The following IGSF21 variants were observed in gnomAD, a reference collection of about 807,000 sequenced individuals.
IGSF21 encodes immunoglobulin superfamily member 21.
Under a neutral mutation model 46.8 loss-of-function variants are expected in IGSF21, and 28 were observed. The observed-to-expected ratio is 0.60, with a 90% CI of 0.44 to 0.82. The LOEUF (loss-of-function observed/expected upper bound fraction) is 0.82, where lower values mean the gene tolerates loss of function less well. Among genes scored for constraint, IGSF21 ranks in the 40% least tolerant of loss-of-function variants. IGSF21 has a pLI of 0.00. For synonymous variants in IGSF21, 284 were observed against 273.6 expected, an observed-to-expected ratio of 1.04 and a Z score of -0.38; for missense variants, 624 against 665.5, an observed-to-expected ratio of 0.94 and a Z score of 0.69.
intron 1 of IGSF21, among the ~76,000 whole-genome samples, chr1:18,130,545 C>A (rs2086309374): frequency 6.6e-6 from 1 of 152,116 alleles, no homozygotes; most frequent in South Asian, 2.1e-4. Context: ...CTCTCAGTAG[C>A]CCCTGTGACA....
chr1:18,360,831 A>G (rs1569875630), intron 4 of IGSF21, among the ~76,000 whole-genome samples: 1 of 152,204 alleles, frequency 6.6e-6, no homozygotes, highest in East Asian at 1.9e-4. Context: ...GCCAAGTATT[A>G]ATATTATTCC....
At chr1:18,161,117 A>G (rs2086617208) in intron 1 of IGSF21, among the ~76,000 whole-genome samples, 1 of 152,126 alleles carries the variant, frequency 6.6e-6, no homozygotes, top group Admixed American at 6.5e-5. Flanking sequence ...CCTGAATCTC[A>G]GGGGTCCAGG....
chr1:18,305,411 TGATG>T (rs1569772891), intron 3 of IGSF21, among the ~76,000 whole-genome samples: 2 of 146,480 alleles, frequency 1.4e-5, no homozygotes, highest in Admixed American at 6.8e-5. Context: ...AATGGATGGA[TGATG>T]GATGGATAGA....
intron 1 of IGSF21, among the ~76,000 whole-genome samples, chr1:18,177,409 G>GGGGTCAGTGAGGTA (rs2086812564): frequency 6.8e-4 from 23 of 33,958 alleles, no homozygotes; most frequent in African/African-American, 1.8e-3. Context: ...GTGTGTGTGT[G>GGGGTCAGTGAGGTA]TGTGTGTGTG....
intron 2 of IGSF21, among the ~76,000 whole-genome samples, chr1:18,286,511 G>T (rs1423402136): frequency 6.6e-6 from 1 of 152,228 alleles, no homozygotes; most frequent in Non-Finnish European, 1.5e-5. Context: ...TGGTCCAGGT[G>T]TACGCTTTGC....
chr1:18,245,166 A>G (rs918273649), intron 2 of IGSF21, among the ~76,000 whole-genome samples: 1 of 152,240 alleles, frequency 6.6e-6, no homozygotes, highest in Non-Finnish European at 1.5e-5. Flanking sequence ...AACATTGCAT[A>G]TGATACTTCC....
At chr1:18,192,800 C>T (rs1024573373) in intron 1 of IGSF21, among the ~76,000 whole-genome samples, 2 of 152,080 alleles carry the variant, frequency 1.3e-5, no homozygotes, top group Admixed American at 6.5e-5. Flanking sequence ...GATAATCTCC[C>T]TCCTGAAGTC....
chr1:18,113,500 C>T (rs2124399908), intron 1 of IGSF21: 1 of 152,158 alleles, frequency 6.6e-6, no homozygotes, highest in East Asian at 1.9e-4. Flanking sequence ...GACTTTAGTC[C>T]CCTCCCAGGA....
Position 18,333,116 on chromosome 1 carries a change from G to A in IGSF21, c.306-1776G>A, listed in dbSNP as rs536373217. ...GGTGGCAGATGGGTCACACGCCCAA[G>A]AGCCTGAGCGCCAACCAACTGCTGC... On this transcript the variant is annotated intron_variant, in intron 3 of 9. Coordinates refer to ENST00000251296, the MANE Select transcript of IGSF21 (RefSeq NM_032880.5). Among the ~76,000 whole-genome samples, 4 of 152,320 alleles carry A rather than the reference G, an allele frequency of 2.6e-5. No homozygotes were observed. The East Asian group carries it at 7.7e-4, about 29-fold the overall frequency.
Position 18,327,009 on chromosome 1 carries a change from T to A in IGSF21, c.306-7883T>A, listed in dbSNP as rs536373164. Among the ~76,000 whole-genome samples the A allele has an allele frequency of 3.9e-5, 6 of 152,176 alleles. No individual in the cohort carries two copies. In the East Asian group the frequency reaches 9.7e-4, roughly 24 times the overall value. ...TCGATGAGCCTCCTGTGCCACAACA[T>A]CCTCTAATCTGGGCGAAGATTAAAA... is the stretch of plus-strand genomic sequence containing the variant. On this transcript the variant is annotated intron_variant, in intron 3 of 9. Transcript: ENST00000251296.
chr1:18,223,850 C>G (rs1460511561), intron 1 of IGSF21, among the ~76,000 whole-genome samples: 4 of 152,178 alleles, frequency 2.6e-5, no homozygotes, highest in Non-Finnish European at 5.9e-5. Context: ...CTAAACCTGT[C>G]TCTGCAGCCT....
intron 6 of IGSF21, 158 bp from the exon 7 acceptor site, chr1:18,376,152 T>C: frequency 1.4e-6 from 1 of 690,352 alleles, no homozygotes; most frequent in South Asian, 1.6e-5. Context: ...TCTGAATGAA[T>C]GCAGCTGTGA....
chr1:18,245,632 TG>T (rs1052357498), intron 2 of IGSF21, among the ~76,000 whole-genome samples: 6 of 152,246 alleles, frequency 3.9e-5, no homozygotes, highest in Non-Finnish European at 8.8e-5. Context: ...CTGATATTTT[TG>T]TTTCCTTCTT....
chr1:18,122,277 G>A (rs1388846659), intron 1 of IGSF21, among the ~76,000 whole-genome samples: 1 of 131,438 alleles, frequency 7.6e-6, no homozygotes, highest in Middle Eastern at 4.7e-3. Flanking sequence ...TCGGCTCACT[G>A]CAACCTCCGC....
chr1:18,129,902 A>C (rs889241328), intron 1 of IGSF21, among the ~76,000 whole-genome samples: 1 of 152,096 alleles, frequency 6.6e-6, no homozygotes. Context: ...GCCTTCCAAC[A>C]TGGGATGACA....
chr1:18,376,835 G>A lies in IGSF21; in HGVS notation c.1137G>A (p.Thr379=), dbSNP rs368139540. 2.2e-5 allele frequency: 35 copies of A among 1,605,226 alleles called. No homozygotes were observed. The highest frequency in any genetic ancestry group is 3.3e-4 in the Middle Eastern group (2 of 6,044). The change falls in exon 8 of 10, where the codon ACG becomes ACA. Residue 379 remains threonine, a synonymous_variant. Coordinates refer to ENST00000251296, the MANE Select transcript of IGSF21 (RefSeq NM_032880.5). ...TCCCGGAGCCCATGTTCACGTGGAC[G>A]CGGGTTGGGAGCCGCCTCCTGGACG... is the stretch of plus-strand genomic sequence containing the variant. The part of the protein sequence containing the change: ...EVFPEPMFTW[T]RVGSRLLDGS...
intron 1 of IGSF21, among the ~76,000 whole-genome samples, chr1:18,174,025 A>G (rs1400270581): frequency 2.0e-5 from 3 of 152,226 alleles, no homozygotes. Context: ...AAGTGCTGGG[A>G]TCACAGGCAT....
chr1:18,147,723 C>T (rs1260272504), intron 1 of IGSF21, among the ~76,000 whole-genome samples: 1 of 152,154 alleles, frequency 6.6e-6, no homozygotes, highest in East Asian at 1.9e-4. Context: ...TTTGCATATA[C>T]ATAACTTACT....
intron 4 of IGSF21, among the ~76,000 whole-genome samples, chr1:18,359,884 G>C (rs2086081243): frequency 6.6e-6 from 1 of 152,152 alleles, no homozygotes; most frequent in African/African-American, 2.4e-5. Context: ...TCTTCCCAAA[G>C]GTCGAGGTGG....
Sources: gnomAD v4.1 joint callset for allele counts (sites outside exome capture counted in the v4.1 genomes callset) on GRCh38, gnomAD v4.1.1 for gene constraint, MANE v1.5 for transcripts, NCBI Gene and HGNC (gene_info 2026-07-23, HGNC 2026-07-21) for gene names.